B4GALT5: variants seen among roughly 807,000 people sequenced by gnomAD.
B4GALT5 encodes the protein beta-1,4-galactosyltransferase 5.
In B4GALT5, 11 loss-of-function variants were observed where a neutral mutation model predicts 45.0. That is an observed-to-expected ratio of 0.24 (90% CI 0.15 to 0.40). B4GALT5 has a LOEUF of 0.40. Ranked by LOEUF, B4GALT5 falls within the 10% of genes least tolerant of loss-of-function variation. The probability of loss-of-function intolerance (pLI) is 1.00; values close to 1 mark genes in which losing one functional copy is unlikely to be tolerated. For missense variants in B4GALT5, 337 were observed against 500.2 expected (o/e 0.67, Z 3.11); for synonymous variants, 185 against 182.9 (o/e 1.01, Z -0.09).
Position 49,668,121 on chromosome 20 carries a change from T to C in B4GALT5, c.116-11419A>G, listed in dbSNP as rs974314133. Among the ~76,000 whole-genome samples, 7 of 152,182 alleles carry C rather than the reference T, an allele frequency of 4.6e-5. No homozygotes were observed. The East Asian group carries it at 1.2e-3, about 25-fold the overall frequency. ...ACAAAAAAATATTTTGGGGGAAAAATTGATTTGAGGAAACTTTTGCTTTCC... is the reference window on the plus strand; with the variant it reads ...ACAAAAAAATATTTTGGGGGAAAAACTGATTTGAGGAAACTTTTGCTTTCC... On this transcript the variant is annotated intron_variant, in intron 1 of 8. Coordinates refer to ENST00000371711, the MANE Select transcript of B4GALT5 (RefSeq NM_004776.4).
chr20:49,665,554 T>C (rs2085686824), intron 1 of B4GALT5, among the ~76,000 whole-genome samples: 1 of 151,248 alleles, frequency 6.6e-6, no homozygotes, highest in Admixed American at 6.6e-5. Context: ...TGATGAATTC[T>C]TTTATAAATG....
At chr20:49,664,344 G>C (rs749604773) in intron 1 of B4GALT5, among the ~76,000 whole-genome samples, 9 of 151,412 alleles carry the variant, frequency 5.9e-5, no homozygotes, top group Non-Finnish European at 1.3e-4. Flanking sequence ...TCAGCCTCAG[G>C]AGGAGCTGGG....
intron 1 of B4GALT5, among the ~76,000 whole-genome samples, chr20:49,661,095 A>G (rs1462686375): frequency 6.6e-6 from 1 of 152,208 alleles, no homozygotes; most frequent in Non-Finnish European, 1.5e-5. Flanking sequence ...TGTGAAGTAG[A>G]TATCATCTTG....
chr20:49,660,621 TCTC>T (rs1206976423), intron 1 of B4GALT5, among the ~76,000 whole-genome samples: 1 of 152,150 alleles, frequency 6.6e-6, no homozygotes, highest in Non-Finnish European at 1.5e-5. Context: ...AAATTGCCCT[TCTC>T]CTGTGCAATG....
At chr20:49,710,133 T>A (rs1386265069) in intron 1 of B4GALT5, among the ~76,000 whole-genome samples, 1 of 152,214 alleles carries the variant, frequency 6.6e-6, no homozygotes, top group Non-Finnish European at 1.5e-5. Flanking sequence ...AAGTCTACTA[T>A]TTCTGAATCT....
intron 2 of B4GALT5, among the ~76,000 whole-genome samples, chr20:49,647,377 T>C (rs78312648): frequency 5.0e-4 from 76 of 152,348 alleles, no homozygotes; most frequent in Non-Finnish European, 9.8e-4. Context: ...CCTCCTCTCA[T>C]TTCTGTTTTC....
chr20:49,675,501 CCAA>C (rs931320333), intron 1 of B4GALT5, among the ~76,000 whole-genome samples: 90 of 152,250 alleles, frequency 5.9e-4, no homozygotes, highest in African/African-American at 1.9e-3. Context: ...CCCACCACGC[CCAA>C]CAACAAGGCT....
intron 1 of B4GALT5, among the ~76,000 whole-genome samples, chr20:49,713,212 A>AGGGAAG (rs959211185): frequency 1.3e-5 from 2 of 150,098 alleles, no homozygotes; most frequent in African/African-American, 2.5e-5. Flanking sequence ...ACCCCGGGGA[A>AGGGAAG]GGGAAGGGGA....
chr20:49,665,747 T>C (rs2085687708), intron 1 of B4GALT5, among the ~76,000 whole-genome samples: 2 of 147,296 alleles, frequency 1.4e-5, no homozygotes, highest in South Asian at 4.4e-4. Flanking sequence ...TAGATCATAT[T>C]GGGAGCAGGG....
intron 2 of B4GALT5, among the ~76,000 whole-genome samples, chr20:49,647,983 C>A (rs1308878476): frequency 6.6e-5 from 10 of 152,130 alleles, no homozygotes; most frequent in Non-Finnish European, 1.3e-4. Flanking sequence ...CATTTATCTG[C>A]CCTACTTTCC....
intron 7 of B4GALT5, among the ~76,000 whole-genome samples, chr20:49,638,984 T>C (rs1446685351): frequency 6.6e-6 from 1 of 152,174 alleles, no homozygotes; most frequent in Non-Finnish European, 1.5e-5. Context: ...TTATCACATA[T>C]CAGATATGCC....
intron 1 of B4GALT5, among the ~76,000 whole-genome samples, chr20:49,674,946 C>T (rs1181093913): frequency 6.6e-6 from 1 of 152,152 alleles, no homozygotes; most frequent in African/African-American, 2.4e-5. Context: ...TTCTCTGGAA[C>T]CTGCTAAGAT....
intron 3 of B4GALT5, among the ~76,000 whole-genome samples, chr20:49,644,384 C>G (rs1473331961): frequency 6.6e-6 from 1 of 152,172 alleles, no homozygotes; most frequent in East Asian, 1.9e-4. Flanking sequence ...CTGCACCTGG[C>G]TGCAGCTGAG....
chr20:49,640,642 T>C lies in B4GALT5; in HGVS notation c.630A>G (p.Arg210=). The change falls in exon 6 of 9, where the codon CGA becomes CGG. Residue 210 remains arginine (R), a synonymous_variant. Coordinates refer to ENST00000371711, the MANE Select transcript of B4GALT5 (RefSeq NM_004776.4). Reference sequence around the variant, plus strand: ...GAAAGCCAACGTTGAAAAGCATGGCTCGATTAAAGGGTTGGGTACCAACCT... The same window carrying C: ...GAAAGCCAACGTTGAAAAGCATGGCCCGATTAAAGGGTTGGGTACCAACCT... The part of the protein sequence containing the change: ...VEQVGTQPFN[R]AMLFNVGFQE... The C allele has an allele frequency of 6.2e-7, 1 of 1,612,336 alleles. No homozygotes were observed. Among genetic ancestry groups the C allele is most frequent in the Non-Finnish European group, 8.5e-7 (1 of 1,179,490 alleles).
chr20:49,679,474 C>CTGG (rs1482608416), intron 1 of B4GALT5, among the ~76,000 whole-genome samples: 4 of 151,602 alleles, frequency 2.6e-5, no homozygotes, highest in Admixed American at 2.6e-4. Context: ...CGAGACCAGC[C>CTGG]TGGCTAACAG....
At chr20:49,636,958 C>T (rs2085556656) in intron 8 of B4GALT5, among the ~76,000 whole-genome samples, 2 of 144,976 alleles carry the variant, frequency 1.4e-5, no homozygotes, top group Admixed American at 1.4e-4. Flanking sequence ...GGTAACACAG[C>T]AACTGCAGCC....
At chr20:49,676,460 T>C (rs777536214) in intron 1 of B4GALT5, among the ~76,000 whole-genome samples, 4 of 152,228 alleles carry the variant, frequency 2.6e-5, no homozygotes, top group African/African-American at 9.6e-5. Flanking sequence ...AAATAATTTA[T>C]GCTAGGAGCA....
At chr20:49,663,822 C>T (rs188253682) in intron 1 of B4GALT5, among the ~76,000 whole-genome samples, 18 of 150,578 alleles carry the variant, frequency 1.2e-4, no homozygotes, top group African/African-American at 3.9e-4. Flanking sequence ...AAAAGTACTC[C>T]GATACATTCT....
chr20:49,689,360 C>T (rs1568731032), intron 1 of B4GALT5, among the ~76,000 whole-genome samples: 3 of 152,152 alleles, frequency 2.0e-5, no homozygotes, highest in Non-Finnish European at 4.4e-5. Context: ...AAAATGATCA[C>T]GGGAGTGGTG....
Sources: allele counts gnomAD v4.1 joint callset (sites outside exome capture counted in the v4.1 genomes callset), GRCh38; gene constraint gnomAD v4.1.1; transcripts MANE v1.5; gene names NCBI Gene and HGNC (gene_info 2026-07-23, HGNC 2026-07-21).